The following PTPRS variants were observed in gnomAD, a reference collection of about 807,000 sequenced individuals.
PTPRS encodes protein tyrosine phosphatase receptor type S.
A neutral mutation model predicts 215.3 loss-of-function variants in PTPRS; 63 were observed. The observed-to-expected ratio is 0.29, with a 90% CI of 0.24 to 0.36. PTPRS has a LOEUF of 0.36. Among genes scored for constraint, PTPRS ranks in the 10% least tolerant of loss-of-function variants. The pLI is 1.00. For synonymous variants in PTPRS, 1,404 were observed against 1,191.4 expected, an observed-to-expected ratio of 1.18 and a Z score of -3.68; for missense variants, 2,258 against 2,825.8, an observed-to-expected ratio of 0.80 and a Z score of 4.56.
intron 13 of PTPRS, among the ~76,000 whole-genome samples, chr19:5,234,558 G>GT (rs1196301878): frequency 2.0e-5 from 3 of 152,228 alleles, no homozygotes; most frequent in Admixed American, 6.5e-5. Context: ...ACTGGGTACG[G>GT]TAACAGGTCT....
At chr19:5,280,038 A>G (rs2047717637) in intron 2 of PTPRS, among the ~76,000 whole-genome samples, 2 of 152,234 alleles carry the variant, frequency 1.3e-5, no homozygotes, top group South Asian at 4.1e-4. Context: ...TGATTAAAGA[A>G]AAAATGGAGC....
At chr19:5,209,860 T>C (rs1392934091) in intron 35 of PTPRS, among the ~76,000 whole-genome samples, 1 of 152,160 alleles carries the variant, frequency 6.6e-6, no homozygotes, top group East Asian at 1.9e-4. Context: ...TCACCATCCT[T>C]TGGCATCATC....
chr19:5,258,692 C>T (rs1034388517), intron 7 of PTPRS, among the ~76,000 whole-genome samples: 1 of 152,152 alleles, frequency 6.6e-6, no homozygotes, highest in South Asian at 2.1e-4. Flanking sequence ...TAAATGGAGA[C>T]GGGGTTGTAC....
In PTPRS at chr19:5,287,938, T is replaced by C. The variant is rs564754845; in HGVS notation, c.-94-1704A>G. On this transcript the variant is annotated intron_variant, in intron 1 of 37. Coordinates refer to ENST00000262963, the MANE Select transcript of PTPRS (RefSeq NM_002850.4). The surrounding 1 kb of genome is among the most constrained non-coding windows in gnomAD (Gnocchi z 4.8). ...TGCAAGAGACACAGAAACAAATGCA[T>C]TCACACAGTCAGGCAGCAGAGACGG... 7.9e-4 allele frequency among the ~76,000 whole-genome samples: 104 copies of C among 131,630 alleles called. No homozygotes were observed. Among genetic ancestry groups the C allele is most frequent in the Non-Finnish European group, 1.3e-3 (83 of 62,608 alleles). 86.4% of individuals were successfully genotyped at this position (131,630 alleles called of 152,430 possible). A position where few individuals can be genotyped will look rare whatever the true frequency, so the allele number is the denominator to read the frequency against.
chr19:5,206,264 GA>G lies in PTPRS; in HGVS notation c.*509del, dbSNP rs72514869. ...TTTGTTTCTCTTAAAAAAAAAAATGGAAAAAAAAATACACTATTTAAAAAAA... is the reference window on the plus strand; with the variant it reads ...TTTGTTTCTCTTAAAAAAAAAAATGGAAAAAAAATACACTATTTAAAAAAA... On this transcript the variant is annotated 3_prime_UTR_variant, in exon 38 of 38. Transcript: ENST00000262963. The G allele has an allele frequency of 0.63, 140,092 of 223,540 alleles. 44,234 individuals carry two copies. Among genetic ancestry groups the G allele is most frequent in the South Asian group, 0.69 (3,732 of 5,404 alleles). The allele number at this position is 223,540 out of a possible 1,614,324, so 13.8% of individuals were successfully genotyped here.
At chr19:5,216,911 C>A in intron 25 of PTPRS, 144 bp from the exon 26 acceptor site, 4 of 632,360 alleles carry the variant, frequency 6.3e-6, no homozygotes, top group African/African-American at 1.8e-5. Context: ...CCACCTGGGC[C>A]CCCACCTGAG....
At chr19:5,263,546 A>C (rs907253900) in intron 5 of PTPRS, among the ~76,000 whole-genome samples, 2 of 152,154 alleles carry the variant, frequency 1.3e-5, no homozygotes, top group African/African-American at 4.8e-5. Flanking sequence ...AAGCAAAAAG[A>C]GGGGTGTGTG....
chr19:5,273,693 C>G lies in PTPRS; in HGVS notation c.238-110G>C, dbSNP rs940942162. Reference sequence around the variant, plus strand: ...GGGGAATGGCAGTCAGCCCCATGATCCTGGGGGTGACTGGGAGAATTGCTG... The same window carrying G: ...GGGGAATGGCAGTCAGCCCCATGATGCTGGGGGTGACTGGGAGAATTGCTG... On this transcript the variant is annotated intron_variant, in intron 3 of 37. Transcript: ENST00000262963. 8.3e-6 allele frequency: 11 copies of G among 1,327,122 alleles called. No individual in the cohort carries two copies. In the African/African-American group the frequency reaches 1.6e-4, roughly 19 times the overall value. The allele number at this position is 1,327,122 out of a possible 1,614,324, so 82.2% of individuals were successfully genotyped here. A position where few individuals can be genotyped will look rare whatever the true frequency, so the allele number is the denominator to read the frequency against.
intron 1 of PTPRS, among the ~76,000 whole-genome samples, chr19:5,314,277 C>T (rs1600104164): frequency 6.6e-6 from 1 of 152,190 alleles, no homozygotes; most frequent in African/African-American, 2.4e-5. Flanking sequence ...CTTGGATCAA[C>T]CTTCTGAGTC....
chr19:5,268,310 G>C (rs1056413767), intron 4 of PTPRS, among the ~76,000 whole-genome samples: 5 of 152,118 alleles, frequency 3.3e-5, no homozygotes, highest in Admixed American at 2.6e-4. Flanking sequence ...CCAGCCTGTA[G>C]AGCCAAAAAT....
intron 16 of PTPRS, among the ~76,000 whole-genome samples, chr19:5,227,619 A>T (rs1264210270): frequency 6.7e-6 from 1 of 149,820 alleles, no homozygotes; most frequent in Non-Finnish European, 1.5e-5. Flanking sequence ...CATGTTGGTC[A>T]GGTTGGTCTC....
At position 5,225,802 on chromosome 19, in the gene PTPRS, T is replaced by G. The variant is rs756860719; in HGVS notation, c.2419A>C (p.Ile807Leu). 3 of 1,614,034 alleles carry G rather than the reference T, an allele frequency of 1.9e-6. No homozygotes were observed. In the East Asian group the frequency reaches 6.7e-5, roughly 36 times the overall value. ...TNLQPETAYS[I>L]TVAAYTMKGD... is the part of the protein sequence containing the mutation. ...TTCATGGTGTAGGCGGCTACCGTGA[T>G]GGAGTACGCGGTCTCAGGCTGCAAG... is the stretch of plus-strand genomic sequence containing the variant. Residue 807 changes from isoleucine (I) to leucine (L), a missense_variant, in exon 17 of 38, where the codon ATC (isoleucine) becomes CTC (leucine). Ile to Leu is a conservative substitution (Grantham distance 5). This residue lies in a region of PTPRS where 371 missense variants were observed against 446.7 expected (regional missense o/e 0.83). Coordinates refer to ENST00000262963, the MANE Select transcript of PTPRS (RefSeq NM_002850.4).
In PTPRS at chr19:5,222,810, C is replaced by T. The variant is rs747524367; in HGVS notation, c.2982G>A (p.Ala994=). ...CGGGCTTCAGGCCCTGCAGCGTGAGCGCGTTCTCCGCGCCCGGCTCAGCCG... is the reference window on the plus strand; with the variant it reads ...CGGGCTTCAGGCCCTGCAGCGTGAGTGCGTTCTCCGCGCCCGGCTCAGCCG... ...PAAAEPGAEN[A]LTLQGLKPDT... is the part of the protein sequence containing the mutation. The change falls in exon 18 of 38, where the codon GCG becomes GCA. Residue 994 remains alanine (A), a synonymous_variant. Transcript: ENST00000262963. 1.1e-5 allele frequency: 18 copies of T among 1,596,916 alleles called. No homozygotes were observed. The highest frequency in any genetic ancestry group is 1.7e-4 in the Middle Eastern group (1 of 6,050).
At chr19:5,255,835 T>G (rs1291333582) in intron 9 of PTPRS, among the ~76,000 whole-genome samples, 1 of 152,232 alleles carries the variant, frequency 6.6e-6, no homozygotes, top group African/African-American at 2.4e-5. Context: ...AAGCATCGCA[T>G]GTGTGCGGCC....
rs982516560 is a variant in PTPRS at position 5,339,371 on chromosome 19, G to T, written c.-95+1293C>A. ...TGCATATTTAGGGAGACGAGAAGAC[G>T]ATTTGAGACTGGGGAAAGAGGGTCA... On this transcript the variant is annotated intron_variant, in intron 1 of 37. Transcript: ENST00000262963. This position sits in a 1 kb window ranked among gnomAD's most constrained non-coding sequence, Gnocchi z 4.2. Among the ~76,000 whole-genome samples the T allele has an allele frequency of 2.0e-5, 3 of 152,106 alleles. No homozygotes were observed. The highest frequency in any genetic ancestry group is 7.2e-5 in the African/African-American group (3 of 41,420).
rs554114727 is a variant in PTPRS, at chr19:5,262,363, T to C, written c.577+601A>G. ...GTATCCCTTAGCCATTAAAAGGTGT[T>C]CCGCCTCCCACCCTGAGAGAGATGA... On this transcript the variant is annotated intron_variant, in intron 6 of 37. Coordinates refer to ENST00000262963, the MANE Select transcript of PTPRS (RefSeq NM_002850.4). 2.0e-5 allele frequency among the ~76,000 whole-genome samples: 3 copies of C among 152,324 alleles called. No individual in the cohort carries two copies. In the South Asian group the frequency reaches 6.2e-4, roughly 32 times the overall value.
Position 5,214,754 on chromosome 19 carries a change from G to C in PTPRS, c.4319-18C>G, listed in dbSNP as rs201224899. 2 of 1,589,178 alleles carry C rather than the reference G, an allele frequency of 1.3e-6. No individual in the cohort carries two copies. Among genetic ancestry groups the C allele is most frequent in the East Asian group, 4.5e-5 (2 of 44,264 alleles). On this transcript the variant is annotated intron_variant, in intron 28 of 37. Coordinates refer to ENST00000262963, the MANE Select transcript of PTPRS (RefSeq NM_002850.4). Reference sequence around the variant, plus strand: ...CATGATGCCTGCAGCCAGGGCGAGAGGCCAGGGATCTGTGGGGGCTGTCTT... The same window carrying C: ...CATGATGCCTGCAGCCAGGGCGAGACGCCAGGGATCTGTGGGGGCTGTCTT...
intron 1 of PTPRS, among the ~76,000 whole-genome samples, chr19:5,330,793 C>T (rs2147275995): frequency 6.6e-6 from 1 of 152,292 alleles, no homozygotes; most frequent in African/African-American, 2.4e-5. Flanking sequence ...GTCTGGGCTC[C>T]CAGGGCCAGA....
At chr19:5,212,689 C>T (rs554225463) in intron 30 of PTPRS, among the ~76,000 whole-genome samples, 198 bp from the exon 31 acceptor site, 2 of 152,258 alleles carry the variant, frequency 1.3e-5, no homozygotes, top group South Asian at 4.1e-4. Flanking sequence ...ACTAAAAATA[C>T]AAAATTAGCT....
Sources: allele counts gnomAD v4.1 joint callset (sites outside exome capture counted in the v4.1 genomes callset), GRCh38; gene constraint gnomAD v4.1.1; regional missense constraint gnomAD v4.1.1; non-coding constraint Gnocchi (gnomAD v3.1); transcripts MANE v1.5; gene names NCBI Gene and HGNC (gene_info 2026-07-23, HGNC 2026-07-21).